MME: variants seen among roughly 807,000 people sequenced by gnomAD.
MME encodes the protein neprilysin.
A neutral mutation model predicts 113.2 loss-of-function variants in MME; 98 were observed. The ratio of observed to expected loss-of-function variants is 0.87; its 90% confidence interval spans 0.74 to 1.02. The LOEUF (loss-of-function observed/expected upper bound fraction) is 1.02, where lower values mean the gene tolerates loss of function less well. Ranked by LOEUF, MME falls within the 50% of genes least tolerant of loss-of-function variation. MME has a pLI of 0.00. For synonymous variants in MME, 292 were observed against 300.6 expected (o/e 0.97, Z 0.30); for missense variants, 836 against 896.0 (o/e 0.93, Z 0.86).
Position 155,099,010 on chromosome 3 carries a change from G to A in MME, c.196+13916G>A, listed in dbSNP as rs1716983542. 2.0e-5 allele frequency among the ~76,000 whole-genome samples: 3 copies of A among 152,244 alleles called. No homozygotes were observed. The South Asian group carries it at 6.2e-4, about 32-fold the overall frequency. ...AGGCGGGGATGGTTGACTGGCAGAA[G>A]CTTAAATAAGCAGAGTGGACAGTAA... On this transcript the variant is annotated intron_variant, in intron 3 of 22. Transcript: ENST00000360490.
At chr3:155,060,859 G>A (rs922441404) in intron 1 of MME, among the ~76,000 whole-genome samples, 2 of 150,686 alleles carry the variant, frequency 1.3e-5, no homozygotes, top group African/African-American at 4.9e-5. Flanking sequence ...GAGAGAGAGA[G>A]TGAGAGAGAG....
chr3:155,078,834 T>C (rs551319988), upstream of MME, among the ~76,000 whole-genome samples: 6 of 152,256 alleles, frequency 3.9e-5, no homozygotes, highest in South Asian at 1.2e-3. Flanking sequence ...GAAACTGCCT[T>C]TGTGCCTAAA....
chr3:155,073,437 T>C lies in MME; in HGVS notation c.-10-10721T>C, dbSNP rs577467691. Among the ~76,000 whole-genome samples the C allele has an allele frequency of 1.9e-4, 29 of 152,346 alleles. No individual in the cohort carries two copies. In the South Asian group the frequency reaches 4.6e-3, roughly 24 times the overall value. On this transcript the variant is annotated intron_variant, in intron 1 of 22. Transcript: ENST00000492661. ...CTAATAGAAATATCAATTTAGACAC[T>C]AATCAGTGCATGAAGTCTACTAAGC... is the stretch of plus-strand genomic sequence containing the variant.
At chr3:155,135,974 T>C (rs1720598290) in intron 8 of MME, among the ~76,000 whole-genome samples, 1 of 152,206 alleles carries the variant, frequency 6.6e-6, no homozygotes, top group Non-Finnish European at 1.5e-5. Flanking sequence ...ATGCCACCAA[T>C]TTTTATTCAT....
At chr3:155,177,501 A>G (rs2108386169) in intron 22 of MME, among the ~76,000 whole-genome samples, 2 of 152,306 alleles carry the variant, frequency 1.3e-5, no homozygotes, top group East Asian at 3.9e-4. Context: ...ATAAACAGTC[A>G]CTTTTGACTA....
rs187151004 is a variant in MME, at chr3:155,066,068, G to A, written c.-10-18090G>A. 1.3e-4 allele frequency among the ~76,000 whole-genome samples: 20 copies of A among 152,236 alleles called. No homozygotes were observed. The East Asian group carries it at 1.9e-3, about 15-fold the overall frequency. On this transcript the variant is annotated intron_variant, in intron 1 of 22. Transcript: ENST00000492661. ...GACCAGGAAGACAATTCTAGATGTCGTCTAGTCCAATTTTCATTTTATATA... is the reference window on the plus strand; with the variant it reads ...GACCAGGAAGACAATTCTAGATGTCATCTAGTCCAATTTTCATTTTATATA...
chr3:155,143,505 G>A lies in MME; in HGVS notation c.1251G>A (p.Gly417=), dbSNP rs138776903. Residue 417 remains glycine (G), a synonymous_variant, in exon 13 of 23, where the codon GGG becomes GGA. Coordinates refer to ENST00000360490, the MANE Select transcript of MME (RefSeq NM_007289.4). ...GACGTTGTGCAAACTATGTCAATGG[G>A]AATATGGAAAATGCTGTGGGGAGGC... ...TWRRCANYVN[G]NMENAVGRLY... is the part of the protein sequence containing the mutation. 987 of 1,612,888 alleles carry A rather than the reference G, an allele frequency of 6.1e-4. 4 individuals carry two copies. The highest frequency in any genetic ancestry group is 6.1e-3 in the South Asian group (555 of 91,074).
At chr3:155,078,689 G>A (rs1349339657), upstream of MME, among the ~76,000 whole-genome samples, 1 of 151,100 alleles carries the variant, frequency 6.6e-6, no homozygotes, top group Non-Finnish European at 1.5e-5. Flanking sequence ...GTGTGTGTGT[G>A]TGTAATTACC....
chr3:155,116,329 G>C (rs965837036), intron 4 of MME, 150 bp from the exon 5 acceptor site: 4 of 655,918 alleles, frequency 6.1e-6, no homozygotes, highest in Admixed American at 2.2e-5. Flanking sequence ...TTGGAACTGG[G>C]GGGAGGAAAT....
intron 10 of MME, among the ~76,000 whole-genome samples, chr3:155,141,456 A>G (rs1313625809): frequency 2.0e-5 from 3 of 152,166 alleles, no homozygotes; most frequent in Non-Finnish European, 2.9e-5. Context: ...TGAAGTATAA[A>G]CATGGCATGC....
rs192910611 is a variant in MME at position 155,026,904 on chromosome 3, A to G, written c.-11+2580A>G. On this transcript the variant is annotated intron_variant, in intron 1 of 22. Transcript: ENST00000492661. ...TCTTTTTCCTTTATGTCTTTAAACA[A>G]AACAAGAGTTTACAATAGATTTGCT... Among the ~76,000 whole-genome samples, 4 of 152,306 alleles carry G rather than the reference A, an allele frequency of 2.6e-5. No homozygotes were observed. In the East Asian group the frequency reaches 7.7e-4, roughly 29 times the overall value.
intron 1 of MME, among the ~76,000 whole-genome samples, chr3:155,053,463 G>C (rs937967070): frequency 1.3e-5 from 2 of 152,134 alleles, no homozygotes; most frequent in African/African-American, 4.8e-5. Context: ...TGAAGGAGAA[G>C]CCCCTTATAA....
intron 3 of MME, among the ~76,000 whole-genome samples, chr3:155,094,160 T>C (rs1178143491): frequency 1.3e-5 from 2 of 152,228 alleles, no homozygotes; most frequent in Non-Finnish European, 2.9e-5. Flanking sequence ...GCAAGTGTTA[T>C]GAGTAACGGA....
chr3:155,053,207 C>T (rs1300097837), intron 1 of MME, among the ~76,000 whole-genome samples: 1 of 152,168 alleles, frequency 6.6e-6, no homozygotes, highest in East Asian at 1.9e-4. Context: ...TACACAGTTC[C>T]AAAGTCACTT....
At chr3:155,126,449 T>C in intron 8 of MME, among the ~76,000 whole-genome samples, 1 of 152,188 alleles carries the variant, frequency 6.6e-6, no homozygotes, top group Non-Finnish European at 1.5e-5. Flanking sequence ...TTTTGCATTT[T>C]ATACTCAATG....
At chr3:155,165,162 G>A (rs891526511) in intron 17 of MME, among the ~76,000 whole-genome samples, 6 of 151,944 alleles carry the variant, frequency 3.9e-5, no homozygotes, top group South Asian at 2.1e-4. Flanking sequence ...AGAAAGTAAC[G>A]TTTCAGTTAT....
chr3:155,087,791 A>AT (rs1576705715), intron 3 of MME, among the ~76,000 whole-genome samples: 1 of 152,088 alleles, frequency 6.6e-6, no homozygotes, highest in African/African-American at 2.4e-5. Flanking sequence ...ACGACAAGTG[A>AT]TTTTGCCTCA....
At chr3:155,074,542 CTACCT>C (rs1291503415) in intron 1 of MME, among the ~76,000 whole-genome samples, 19 of 152,162 alleles carry the variant, frequency 1.2e-4, no homozygotes, top group African/African-American at 4.6e-4. Context: ...AGCGATTCTC[CTACCT>C]CAGCCTCCTG....
At chr3:155,046,226 T>C (rs945812121) in intron 1 of MME, among the ~76,000 whole-genome samples, 19 of 152,204 alleles carry the variant, frequency 1.2e-4, no homozygotes, top group Non-Finnish European at 2.6e-4. Context: ...TATCTTAAAG[T>C]TTACTGACTG....
Sources: allele counts gnomAD v4.1 joint callset (sites outside exome capture counted in the v4.1 genomes callset), GRCh38; gene constraint gnomAD v4.1.1; transcripts MANE v1.5; gene names NCBI Gene and HGNC (gene_info 2026-07-23, HGNC 2026-07-21).